ITPKB: variants seen among roughly 807,000 people sequenced by gnomAD.
The protein encoded by ITPKB is inositol-trisphosphate 3-kinase B.
Under a neutral mutation model 69.4 loss-of-function variants are expected in ITPKB, and 13 were observed. The ratio of observed to expected loss-of-function variants is 0.19; its 90% CI spans 0.12 to 0.30. The LOEUF is 0.30. Among genes scored for constraint, ITPKB ranks in the 10% least tolerant of loss-of-function variants. The pLI is 1.00. For synonymous variants in ITPKB, 584 were observed against 513.7 expected (o/e 1.14, Z -1.85); for missense variants, 1,240 against 1,250.5 (o/e 0.99, Z 0.13).
In ITPKB at chr1:226,736,644, G is replaced by A; in HGVS notation, c.815C>T (p.Ala272Val). The A allele has an allele frequency of 6.2e-7, 1 of 1,613,498 alleles. No individual in the cohort carries two copies. Among genetic ancestry groups the A allele is most frequent in the Non-Finnish European group, 8.5e-7 (1 of 1,180,002 alleles). Reference protein sequence around the residue: ...PASPRCGSPTAMEIDKRGSPT... With the variant: ...PASPRCGSPTVMEIDKRGSPT... ...AGAGCCCCTTTTGTCAATTTCCATA[G>A]CTGTGGGTGAGCCACAGCGGGGACT... The change falls in exon 2 of 8, where the codon GCT (alanine) becomes GTT (valine). Residue 272 changes from alanine (A) to valine (V), a missense_variant. Transcript: ENST00000429204.
In ITPKB at chr1:226,637,980, T is replaced by G. The variant is rs1668875552; in HGVS notation, c.2554-230A>C. ...TAAGAGAGAGAACCACAAATATCTC[T>G]CCCAGTGCCCTCTCCATGGAGCCCT... On this transcript the variant is annotated intron_variant, in intron 6 of 7. Coordinates refer to ENST00000429204, the MANE Select transcript of ITPKB (RefSeq NM_002221.4). The surrounding 1 kb of genome is among the most constrained non-coding windows in gnomAD (Gnocchi z 4.3). 6.6e-6 allele frequency among the ~76,000 whole-genome samples: 1 copy of G among 152,208 alleles called. No individual in the cohort carries two copies. Among genetic ancestry groups the G allele is most frequent in the Non-Finnish European group, 1.5e-5 (1 of 68,034 alleles).
intron 2 of ITPKB, among the ~76,000 whole-genome samples, chr1:226,672,548 C>A (rs150542354): frequency 9.8e-5 from 15 of 152,344 alleles, no homozygotes; most frequent in African/African-American, 3.4e-4. Flanking sequence ...CTGTCCTCCA[C>A]CTTGGCTCAG....
chr1:226,674,734 T>C lies in ITPKB; in HGVS notation c.1933-25963A>G, dbSNP rs375383498. Among the ~76,000 whole-genome samples, 161 of 152,152 alleles carry C rather than the reference T, an allele frequency of 1.1e-3. 2 individuals are homozygous for C. The South Asian group carries it at 0.033, about 31-fold the overall frequency. On this transcript the variant is annotated intron_variant, in intron 2 of 7. Coordinates refer to ENST00000429204, the MANE Select transcript of ITPKB (RefSeq NM_002221.4). ...CCTGACCCTTTCCTTGTATCCCCCA[T>C]TCCCTTTCGATTTCTTCACCATCCC...
intron 2 of ITPKB, among the ~76,000 whole-genome samples, chr1:226,662,266 A>G (rs1159332966): frequency 6.6e-6 from 1 of 152,218 alleles, no homozygotes; most frequent in Admixed American, 6.5e-5. Context: ...GGAGGATGAC[A>G]TTTACAAAGC....
chr1:226,665,034 C>G (rs1288939), intron 2 of ITPKB, among the ~76,000 whole-genome samples: 19,258 of 152,318 alleles, frequency 0.13, 1,322 homozygotes, highest in East Asian at 0.16. Context: ...CAGAGGCCAG[C>G]AGACTCACCT....
intron 2 of ITPKB, among the ~76,000 whole-genome samples, chr1:226,692,122 T>C (rs1656372264): frequency 6.6e-6 from 1 of 152,234 alleles, no homozygotes; most frequent in South Asian, 2.1e-4. Flanking sequence ...TCAAGTTTTA[T>C]ACATGAGGAA....
chr1:226,657,368 T>C (rs1144833), intron 2 of ITPKB: 88,067 of 152,218 alleles, frequency 0.58, 28,484 homozygotes, highest in African/African-American at 0.88. Flanking sequence ...TAGCCTCTTT[T>C]TCACCTGACT....
At chr1:226,695,405 C>T (rs1022896983) in intron 2 of ITPKB, among the ~76,000 whole-genome samples, 3 of 152,312 alleles carry the variant, frequency 2.0e-5, no homozygotes, top group South Asian at 2.1e-4. Flanking sequence ...CAAAGTGAGA[C>T]TGGCACTCAT....
intron 2 of ITPKB, among the ~76,000 whole-genome samples, chr1:226,660,425 C>T (rs1177359754): frequency 1.3e-5 from 2 of 152,216 alleles, no homozygotes; most frequent in Non-Finnish European, 1.5e-5. Flanking sequence ...ACTCAAGAAT[C>T]GAGGTGTCCT....
At chr1:226,654,711 C>A (rs1669256458) in intron 2 of ITPKB, among the ~76,000 whole-genome samples, 1 of 152,206 alleles carries the variant, frequency 6.6e-6, no homozygotes, top group African/African-American at 2.4e-5. Flanking sequence ...CAAGTCCCAA[C>A]CCTCCCGTGA....
intron 2 of ITPKB, among the ~76,000 whole-genome samples, chr1:226,653,446 G>A (rs773221891): frequency 1.8e-4 from 28 of 152,194 alleles, no homozygotes; most frequent in African/African-American, 4.6e-4. Flanking sequence ...TGGCTGCTCC[G>A]TTAGCAGAGG....
At position 226,715,971 on chromosome 1, in the gene ITPKB, C is replaced by T. The variant is rs865991130; in HGVS notation, c.1932+19556G>A. Among the ~76,000 whole-genome samples the T allele has an allele frequency of 5.9e-5, 9 of 152,104 alleles. No homozygotes were observed. The South Asian group carries it at 8.3e-4, about 14-fold the overall frequency. On this transcript the variant is annotated intron_variant, in intron 2 of 7. Transcript: ENST00000429204. ...GACTACAGGTGCCCGTCATAATGCCCGGCTAATTTTTGTATTTTTAGTAGA... is the reference window on the plus strand; with the variant it reads ...GACTACAGGTGCCCGTCATAATGCCTGGCTAATTTTTGTATTTTTAGTAGA...
intron 2 of ITPKB, among the ~76,000 whole-genome samples, chr1:226,712,953 G>A (rs764778256): frequency 3.3e-5 from 5 of 150,608 alleles, no homozygotes; most frequent in Non-Finnish European, 7.4e-5. Context: ...TCCAGTGGGT[G>A]TACGCATGTG....
intron 2 of ITPKB, among the ~76,000 whole-genome samples, chr1:226,727,438 CAA>C (rs908037511): frequency 4.6e-5 from 7 of 152,318 alleles, no homozygotes; most frequent in African/African-American, 1.7e-4. Context: ...AGCAGCATAC[CAA>C]GAGAGATTGC....
intron 2 of ITPKB, among the ~76,000 whole-genome samples, chr1:226,692,824 A>G (rs2102782218): frequency 6.6e-6 from 1 of 152,356 alleles, no homozygotes; most frequent in Admixed American, 6.5e-5. Context: ...CTTCTTTAAA[A>G]AAAGAAAAGG....
intron 2 of ITPKB, among the ~76,000 whole-genome samples, chr1:226,672,313 T>C (rs1170809101): frequency 6.6e-6 from 1 of 152,198 alleles, no homozygotes; most frequent in Non-Finnish European, 1.5e-5. Context: ...TAACTGATGC[T>C]AAGTAGCCAT....
intron 2 of ITPKB, among the ~76,000 whole-genome samples, chr1:226,663,906 AGTGAG>A (rs924925621): frequency 3.3e-5 from 5 of 152,244 alleles, no homozygotes; most frequent in Admixed American, 6.5e-5. Context: ...GTTTTCACAA[AGTGAG>A]GTGAGGATCT....
Position 226,634,725 on chromosome 1 carries a change from G to A in ITPKB, c.2787C>T (p.Leu929=), listed in dbSNP as rs765140128. Residue 929 remains leucine (L), a synonymous_variant, in exon 8 of 8, where the codon CTC becomes CTT. Coordinates refer to ENST00000429204, the MANE Select transcript of ITPKB (RefSeq NM_002221.4). The surrounding 1 kb of genome is among the most constrained non-coding windows in gnomAD (Gnocchi z 6.3). The part of the protein sequence containing the change: ...GNREDGYLSG[L]NNLVDILTEM... The stretch of plus-strand genomic sequence containing the variant: ...CGGTCAGGATGTCGACGAGGTTATT[G>A]AGCCCCGAGAGGTAGCCATCCTCCC... The A allele has an allele frequency of 1.9e-6, 2 of 1,053,136 alleles. No homozygotes were observed. The highest frequency in any genetic ancestry group is 1.6e-5 in the African/African-American group (1 of 64,018). The allele number at this position is 1,053,136 out of a possible 1,614,324, so 65.2% of individuals were successfully genotyped here.
chr1:226,675,675 T>C (rs1352392704), intron 2 of ITPKB, among the ~76,000 whole-genome samples: 1 of 152,210 alleles, frequency 6.6e-6, no homozygotes, highest in East Asian at 1.9e-4. Context: ...ACTTCCTCTA[T>C]AAAACAGGGA....
Sources: allele counts gnomAD v4.1 joint callset (sites outside exome capture counted in the v4.1 genomes callset), GRCh38; gene constraint gnomAD v4.1.1; non-coding constraint Gnocchi (gnomAD v3.1); transcripts MANE v1.5; gene names NCBI Gene and HGNC (gene_info 2026-07-23, HGNC 2026-07-21).